Variants in MAD1L1 observed in about 807,000 individuals in gnomAD.
MAD1L1 encodes the protein mitotic spindle assembly checkpoint protein MAD1.
MAD1L1 carries 95 observed loss-of-function variants against 96.9 expected under a neutral mutation model. The ratio of observed to expected loss-of-function variants is 0.98; its 90% CI spans 0.83 to 1.16. MAD1L1 has a LOEUF of 1.16. Ranked by LOEUF, MAD1L1 falls within the 50% of genes most tolerant of loss-of-function variation. The probability of loss-of-function intolerance (pLI) is 0.00; values close to 1 mark genes in which losing one functional copy is unlikely to be tolerated. For missense variants in MAD1L1, 1,007 were observed against 954.4 expected (o/e 1.06, Z -0.73); for synonymous variants, 473 against 396.6 (o/e 1.19, Z -2.29).
At chr7:1,907,042 A>C (rs1787679011) in intron 17 of MAD1L1, among the ~76,000 whole-genome samples, 15 of 146,726 alleles carry the variant, frequency 1.0e-4, no homozygotes, top group South Asian at 7.1e-4. Flanking sequence ...CCCCAACCCC[A>C]TCCCTGCTGT....
intron 12 of MAD1L1, among the ~76,000 whole-genome samples, chr7:2,028,087 T>C (rs1330292875): frequency 6.6e-6 from 1 of 152,168 alleles, no homozygotes; most frequent in Non-Finnish European, 1.5e-5. Flanking sequence ...AAACCCATGA[T>C]ATGTCCACCC....
At chr7:1,938,987 GCGCACACACA>G (rs1319606949) in intron 16 of MAD1L1, among the ~76,000 whole-genome samples, 5 of 119,260 alleles carry the variant, frequency 4.2e-5, no homozygotes, top group Non-Finnish European at 6.7e-5. Flanking sequence ...GGGACCAGAG[GCGCACACACA>G]CGCACACACA....
At chr7:1,979,738 A>G (rs1780807355) in intron 15 of MAD1L1, among the ~76,000 whole-genome samples, 1 of 152,182 alleles carries the variant, frequency 6.6e-6, no homozygotes, top group Non-Finnish European at 1.5e-5. Context: ...GCGGAGCCCA[A>G]GGGCTGCTGG....
intron 14 of MAD1L1, among the ~76,000 whole-genome samples, chr7:1,996,710 G>A (rs1269447835): frequency 6.6e-6 from 1 of 152,218 alleles, no homozygotes; most frequent in Non-Finnish European, 1.5e-5. Flanking sequence ...GTGCCCCTGG[G>A]AGCAAGGAGC....
chr7:2,177,990 C>T (rs1369919704), intron 10 of MAD1L1, among the ~76,000 whole-genome samples: 1 of 152,126 alleles, frequency 6.6e-6, no homozygotes, highest in African/African-American at 2.4e-5. Context: ...AGGCAAGAAG[C>T]AATGGTTTCA....
intron 18 of MAD1L1, among the ~76,000 whole-genome samples, chr7:1,872,390 C>A (rs901750743): frequency 6.6e-6 from 1 of 152,176 alleles, no homozygotes; most frequent in African/African-American, 2.4e-5. Flanking sequence ...ACAGCACCTG[C>A]TCCTGGGTGA....
chr7:2,222,829 T>C (rs1433050834), intron 4 of MAD1L1, 75 bp from the exon 5 acceptor site: 3 of 1,221,214 alleles, frequency 2.5e-6, no homozygotes, highest in Non-Finnish European at 3.4e-6. Context: ...CCCCCACACC[T>C]CTCTCAGAAC....
At chr7:2,061,329 T>G (rs1784650466) in intron 12 of MAD1L1, among the ~76,000 whole-genome samples, 1 of 151,758 alleles carries the variant, frequency 6.6e-6, no homozygotes, top group Non-Finnish European at 1.5e-5. Flanking sequence ...AGAGTGAGAC[T>G]CCGTCTCAAA....
At chr7:1,829,139 A>G (rs1782577207) in intron 18 of MAD1L1, among the ~76,000 whole-genome samples, 1 of 152,262 alleles carries the variant, frequency 6.6e-6, no homozygotes, top group African/African-American at 2.4e-5. Flanking sequence ...CCTGACACGT[A>G]GGGCAGGAGT....
intron 10 of MAD1L1, among the ~76,000 whole-genome samples, chr7:2,206,535 C>T (rs1457535067): frequency 6.6e-6 from 1 of 152,216 alleles, no homozygotes; most frequent in Admixed American, 6.5e-5. Flanking sequence ...TTACCACCCT[C>T]GGTGAAAAGA....
intron 11 of MAD1L1, among the ~76,000 whole-genome samples, chr7:2,087,714 G>A (rs1451497996): frequency 2.0e-5 from 3 of 152,192 alleles, no homozygotes; most frequent in African/African-American, 7.2e-5. Context: ...CTTGGGAAGA[G>A]ACAGGATCCT....
chr7:2,217,349 G>A (rs1793344051), intron 7 of MAD1L1, among the ~76,000 whole-genome samples: 1 of 152,220 alleles, frequency 6.6e-6, no homozygotes, highest in Admixed American at 6.5e-5. Flanking sequence ...GGTGGACTGA[G>A]GGCTGCGAGG....
intron 10 of MAD1L1, among the ~76,000 whole-genome samples, chr7:2,170,628 C>T (rs1790662474): frequency 6.6e-6 from 1 of 152,240 alleles, no homozygotes; most frequent in Non-Finnish European, 1.5e-5. Context: ...CAGGCAGATC[C>T]CTCCAAGTGC....
intron 17 of MAD1L1, among the ~76,000 whole-genome samples, chr7:1,927,461 G>C (rs1789155683): frequency 6.6e-6 from 1 of 152,180 alleles, no homozygotes; most frequent in South Asian, 2.1e-4. Context: ...CAATACCGTG[G>C]GGTGTTATTA....
intron 11 of MAD1L1, among the ~76,000 whole-genome samples, chr7:2,143,962 G>A (rs954786523): frequency 6.6e-6 from 1 of 152,180 alleles, no homozygotes; most frequent in African/African-American, 2.4e-5. Context: ...GATGCCTGGG[G>A]CTTCAAACAG....
chr7:1,962,846 C>A (rs1780007495), intron 15 of MAD1L1, among the ~76,000 whole-genome samples: 1 of 152,176 alleles, frequency 6.6e-6, no homozygotes, highest in African/African-American at 2.4e-5. Context: ...ACTCAGGAGG[C>A]TGGGGTGGGA....
chr7:1,816,231 G>A lies in MAD1L1; in HGVS notation c.1999-3C>T. 1 of 1,611,674 alleles carries A rather than the reference G, an allele frequency of 6.2e-7. No homozygotes were observed. The highest frequency in any genetic ancestry group is 8.5e-7 in the Non-Finnish European group (1 of 1,178,998). On this transcript the variant is annotated splice_region_variant and splice_polypyrimidine_tract_variant and intron_variant, in intron 18 of 18. Transcript: ENST00000265854. ...TTGGAACCCGAGGGGCTGGTGGCCT[G>A]CGGGGCAGTCAAGAAAGAGACAAGA...
intron 11 of MAD1L1, among the ~76,000 whole-genome samples, chr7:2,127,859 A>G (rs866935768): frequency 6.6e-6 from 1 of 152,136 alleles, no homozygotes; most frequent in Non-Finnish European, 1.5e-5. Context: ...CCCACTACCC[A>G]CGCAGGCACG....
At chr7:2,082,932 G>T (rs988221262) in intron 11 of MAD1L1, among the ~76,000 whole-genome samples, 44 of 152,246 alleles carry the variant, frequency 2.9e-4, no homozygotes, top group East Asian at 1.9e-4. Flanking sequence ...AAGCACAGAA[G>T]TCAATACCCC....
Sources: gnomAD v4.1 joint callset for allele counts (sites outside exome capture counted in the v4.1 genomes callset) on GRCh38, gnomAD v4.1.1 for gene constraint, MANE v1.5 for transcripts, NCBI Gene and HGNC (gene_info 2026-07-23, HGNC 2026-07-21) for gene names.